Variants in RAD21 observed in about 807,000 individuals in gnomAD.
RAD21 encodes RAD21 cohesin complex component.
A neutral mutation model predicts 71.5 loss-of-function variants in RAD21; 18 were observed. That is an observed-to-expected ratio of 0.25 (90% CI 0.17 to 0.37). The LOEUF (loss-of-function observed/expected upper bound fraction) is 0.37, where lower values mean the gene tolerates loss of function less well. RAD21 is among the 10% of genes least tolerant of loss of function. The pLI is 1.00. For synonymous variants in RAD21, 248 were observed against 254.0 expected (o/e 0.98, Z 0.22); for missense variants, 493 against 769.1 (o/e 0.64, Z 4.25).
rs2289938 is a variant in RAD21 at position 116,849,277 on chromosome 8, T to C, written c.1621-248A>G. The C allele has an allele frequency of 0.16, 63,143 of 399,088 alleles. 5,642 individuals are homozygous for C. Among genetic ancestry groups the C allele is most frequent in the Admixed American group, 0.22 (5,043 of 22,780 alleles). The allele number at this position is 399,088 out of a possible 1,614,324, so 24.7% of individuals were successfully genotyped here. A position where few individuals can be genotyped will look rare whatever the true frequency, so the allele number is the denominator to read the frequency against. On this transcript the variant is annotated intron_variant, in intron 12 of 13. Coordinates refer to ENST00000297338, the MANE Select transcript of RAD21 (RefSeq NM_006265.3). ...ATTTGGCTGAAAGTATGCTTCTATA[T>C]TGCGCTATAAGGATGCTATCTACAC...
chr8:116,850,814 T>G, intron 11 of RAD21, 47 bp from the exon 12 acceptor site: 1 of 1,304,548 alleles, frequency 7.7e-7, no homozygotes, highest in Non-Finnish European at 1.1e-6. Flanking sequence ...GCTTTTAAAG[T>G]AGCTTATTTT....
intron 4 of RAD21, among the ~76,000 whole-genome samples, chr8:116,859,645 C>A (rs1033488401): frequency 6.6e-6 from 1 of 152,076 alleles, no homozygotes; most frequent in Non-Finnish European, 1.5e-5. Context: ...GTTCTGACTG[C>A]TCCTGCCCTC....
At chr8:116,850,830 T>A in intron 11 of RAD21, 63 bp from the exon 12 acceptor site, 1 of 1,183,974 alleles carries the variant, frequency 8.4e-7, no homozygotes, top group Non-Finnish European at 1.2e-6. Flanking sequence ...ATTTTAAATA[T>A]GAAAATACAC....
chr8:116,858,886 A>G (rs1812526464), intron 4 of RAD21, among the ~76,000 whole-genome samples: 1 of 152,084 alleles, frequency 6.6e-6, no homozygotes, highest in African/African-American at 2.4e-5. Flanking sequence ...ATAAAAAATA[A>G]AAAGTATGTA....
In RAD21 at chr8:116,868,131, C is replaced by T. The variant is rs146783913; in HGVS notation, c.-32-1370G>A. ...GATCACAGCTCACTGCAGCCTTGAA[C>T]TCCTAGGCTCAAGCAATCCTCCTCC... is the stretch of plus-strand genomic sequence containing the variant. On this transcript the variant is annotated intron_variant, in intron 1 of 13. Transcript: ENST00000297338. Among the ~76,000 whole-genome samples, 1,204 of 152,276 alleles carry T rather than the reference C, an allele frequency of 7.9e-3. 14 individuals are homozygous for T. Among genetic ancestry groups the T allele is most frequent in the African/African-American group, 0.028 (1,149 of 41,556 alleles).
Position 116,850,770 on chromosome 8 carries a change from T to C in RAD21, c.1471-3A>G, listed in dbSNP as rs202098276. 4.9e-5 allele frequency: 76 copies of C among 1,559,566 alleles called. No individual in the cohort carries two copies. The East Asian group carries it at 1.6e-3, about 32-fold the overall frequency. ...TCCATCTGCTCTACCTGCTGAGGCT[T>C]AAAGCAATACAAATAAGACAATTTA... On this transcript the variant is annotated splice_polypyrimidine_tract_variant and splice_region_variant and intron_variant, in intron 11 of 13. Coordinates refer to ENST00000297338, the MANE Select transcript of RAD21 (RefSeq NM_006265.3).
chr8:116,868,263 T>C (rs751742633), intron 1 of RAD21, among the ~76,000 whole-genome samples: 43 of 152,230 alleles, frequency 2.8e-4, no homozygotes, highest in African/African-American at 6.3e-4. Flanking sequence ...ATGTGACTTC[T>C]TGAAATGGCT....
rs544494700 is a variant in RAD21 at position 116,848,889 on chromosome 8, G to A, written c.1704+57C>T. ...AGCATCTAACTTTTTTTTTTTCAGGGAACAATGGCAAAAGCCTTTGATGAA... is the reference window on the plus strand; with the variant it reads ...AGCATCTAACTTTTTTTTTTTCAGGAAACAATGGCAAAAGCCTTTGATGAA... On this transcript the variant is annotated intron_variant, in intron 13 of 13. Transcript: ENST00000297338. The A allele has an allele frequency of 2.9e-4, 409 of 1,430,996 alleles. 3 individuals are homozygous for A. The Admixed American group carries it at 3.3e-3, about 11-fold the overall frequency. 88.6% of individuals were successfully genotyped at this position (1,430,996 alleles called of 1,614,324 possible).
chr8:116,871,355 C>T (rs1476482539), intron 1 of RAD21, among the ~76,000 whole-genome samples: 2 of 152,206 alleles, frequency 1.3e-5, no homozygotes, highest in African/African-American at 4.8e-5. Context: ...AAGCGGCAAG[C>T]AGTTTTTTTC....
intron 1 of RAD21, 131 bp downstream of exon 1, chr8:116,874,480 T>G (rs960998603): frequency 1.0e-4 from 22 of 213,824 alleles, no homozygotes; most frequent in Non-Finnish European, 1.8e-4. Flanking sequence ...GCAGCACGCG[T>G]GGGCGCGGCG....
intron 12 of RAD21, among the ~76,000 whole-genome samples, 199 bp downstream of exon 12, chr8:116,850,418 CA>C (rs1203084195): frequency 1.7e-4 from 26 of 152,294 alleles, no homozygotes; most frequent in African/African-American, 5.3e-4. Context: ...ACAAGAGAGC[CA>C]ATGAGTTACA....
In RAD21 at chr8:116,856,218, T is replaced by C; in HGVS notation, c.885A>G (p.Thr295=). ...EPMPTMTDQT[T]LVPNEEEAFA... ...ATGCTTCTTCCTCATTTGGAACAAG[T>C]GTTGTTTGATCAGTCATGGTTGGCA... Residue 295 remains threonine (T), a synonymous_variant, in exon 8 of 14, where the codon ACA becomes ACG. Coordinates refer to ENST00000297338, the MANE Select transcript of RAD21 (RefSeq NM_006265.3). 1 of 1,607,532 alleles carries C rather than the reference T, an allele frequency of 6.2e-7. No individual in the cohort carries two copies. The highest frequency in any genetic ancestry group is 8.5e-7 in the Non-Finnish European group (1 of 1,177,590).
chr8:116,872,070 G>A (rs1812833953), intron 1 of RAD21, among the ~76,000 whole-genome samples: 1 of 151,638 alleles, frequency 6.6e-6, no homozygotes, highest in African/African-American at 2.4e-5. Flanking sequence ...TGTTGGAGGG[G>A]GGGACAAAAA....
At chr8:116,859,273 C>A (rs1267935142) in intron 4 of RAD21, among the ~76,000 whole-genome samples, 1 of 152,108 alleles carries the variant, frequency 6.6e-6, no homozygotes, top group Non-Finnish European at 1.5e-5. Flanking sequence ...TCTGTTGGTG[C>A]CATTTTCCAA....
At chr8:116,849,529 A>T (rs1055582347) in intron 12 of RAD21, 1 of 152,426 alleles carries the variant, frequency 6.6e-6, no homozygotes, top group Admixed American at 6.5e-5. Context: ...ACCTAAGTTG[A>T]TTTATATGGT....
At chr8:116,849,267 T>G (rs557136126) in intron 12 of RAD21, 1 of 415,630 alleles carries the variant, frequency 2.4e-6, no homozygotes. Context: ...GCTGAAAGTA[T>G]GCTTCTATAT....
Position 116,846,284 on chromosome 8 carries a change from T to C in RAD21, c.*1216A>G, listed in dbSNP as rs1586259450. The C allele has an allele frequency of 2.2e-5, 5 of 231,076 alleles. No individual in the cohort carries two copies. The East Asian group carries it at 3.1e-4, about 14-fold the overall frequency. The allele number at this position is 231,076 out of a possible 1,614,324, so 14.3% of individuals were successfully genotyped here. ...TTGGGTATACACTGAAGTCTGAGTT[T>C]CAAAAGTGATTTTTTTTTCCCACAA... On this transcript the variant is annotated 3_prime_UTR_variant, in exon 14 of 14. Transcript: ENST00000297338.
Position 116,847,272 on chromosome 8 carries a change from T to G in RAD21, c.*228A>C. ...CTGTTAAAATCATCTTCTGAGTCCT[T>G]GGGGTGCTGTTTTCTCCATCAGAAC... On this transcript the variant is annotated 3_prime_UTR_variant, in exon 14 of 14. Coordinates refer to ENST00000297338, the MANE Select transcript of RAD21 (RefSeq NM_006265.3). 2.2e-6 allele frequency: 1 copy of G among 453,838 alleles called. No individual in the cohort carries two copies. Among genetic ancestry groups the G allele is most frequent in the Non-Finnish European group, 3.9e-6 (1 of 255,730 alleles). 28.1% of individuals were successfully genotyped at this position (453,838 alleles called of 1,614,324 possible). A position where few individuals can be genotyped will look rare whatever the true frequency, so the allele number is the denominator to read the frequency against.
intron 4 of RAD21, among the ~76,000 whole-genome samples, chr8:116,861,419 G>C (rs180920542): frequency 4.7e-5 from 7 of 150,000 alleles, no homozygotes; most frequent in Non-Finnish European, 7.4e-5. Flanking sequence ...AAGTTATCTC[G>C]TATGTTCATT....
Sources: gnomAD v4.1 joint callset for allele counts (sites outside exome capture counted in the v4.1 genomes callset) on GRCh38, gnomAD v4.1.1 for gene constraint, MANE v1.5 for transcripts, NCBI Gene and HGNC (gene_info 2026-07-23, HGNC 2026-07-21) for gene names.